The following MTUS2 variants were observed in gnomAD, a reference collection of about 807,000 sequenced individuals.
The protein encoded by MTUS2 is microtubule-associated tumor suppressor candidate 2.
Under a neutral mutation model 114.1 loss-of-function variants are expected in MTUS2, and 40 were observed. The ratio of observed to expected loss-of-function variants is 0.35; its 90% CI spans 0.27 to 0.46. The LOEUF is 0.46. MTUS2 is among the 20% of genes least tolerant of loss of function. The probability of loss-of-function intolerance (pLI) is 1.00; values close to 1 mark genes in which losing one functional copy is unlikely to be tolerated. For synonymous variants in MTUS2, 688 were observed against 672.0 expected, an observed-to-expected ratio of 1.02 and a Z score of -0.37; for missense variants, 1,679 against 1,705.4, an observed-to-expected ratio of 0.98 and a Z score of 0.27.
chr13:29,401,229 A>G (rs1380656458), intron 8 of MTUS2, among the ~76,000 whole-genome samples: 1 of 152,162 alleles, frequency 6.6e-6, no homozygotes, highest in East Asian at 1.9e-4. Flanking sequence ...CAGGTGTTCC[A>G]CCAGCCTCGG....
chr13:29,147,128 A>G (rs1425075718), intron 5 of MTUS2, among the ~76,000 whole-genome samples: 1 of 152,174 alleles, frequency 6.6e-6, no homozygotes, highest in African/African-American at 2.4e-5. Flanking sequence ...AGTTCATTCT[A>G]AGCCACATTT....
At position 29,392,156 on chromosome 13, in the gene MTUS2, A is replaced by C. The variant is rs1471733400; in HGVS notation, c.3117+32683A>C. Among the ~76,000 whole-genome samples the C allele has an allele frequency of 1.7e-4, 26 of 151,548 alleles. No individual in the cohort carries two copies. In the East Asian group the frequency reaches 1.9e-3, roughly 11 times the overall value. ...AAAAAAAAAACAAACCAAAAAAAAA[A>C]AAACCAAAAAAACACTTGTTATCTT... is the stretch of plus-strand genomic sequence containing the variant. On this transcript the variant is annotated intron_variant, in intron 8 of 15. Coordinates refer to ENST00000612955, the MANE Select transcript of MTUS2 (RefSeq NM_001033602.4).
At chr13:29,289,169 C>T (rs1898606935) in intron 6 of MTUS2, among the ~76,000 whole-genome samples, 1 of 152,184 alleles carries the variant, frequency 6.6e-6, no homozygotes, top group Admixed American at 6.5e-5. Flanking sequence ...GTGATATAAA[C>T]TGTTTTAGCT....
intron 3 of MTUS2, among the ~76,000 whole-genome samples, chr13:29,028,351 A>G (rs1886658946): frequency 9.7e-6 from 1 of 102,574 alleles, no homozygotes; most frequent in Non-Finnish European, 2.0e-5. Flanking sequence ...CTCAGTCTCA[A>G]AAACAAGGGC....
intron 2 of MTUS2, among the ~76,000 whole-genome samples, chr13:28,916,713 A>G (rs1880765179): frequency 6.6e-6 from 1 of 151,792 alleles, no homozygotes; most frequent in South Asian, 2.1e-4. Context: ...TCATCTACAA[A>G]CAAAAATAAT....
At chr13:29,501,444 T>C (rs1263093927) in intron 15 of MTUS2, among the ~76,000 whole-genome samples, 2 of 152,162 alleles carry the variant, frequency 1.3e-5, no homozygotes, top group Non-Finnish European at 2.9e-5. Context: ...CCTGCAGCAC[T>C]GGGAGGGGAA....
intron 8 of MTUS2, among the ~76,000 whole-genome samples, chr13:29,420,297 A>ATTT (rs1875987383): frequency 2.4e-5 from 2 of 82,764 alleles, no homozygotes; most frequent in African/African-American, 6.0e-5. Context: ...TTTTTTTTTG[A>ATTT]GACAGAGTCT....
chr13:29,426,170 T>A (rs909610021), intron 8 of MTUS2, among the ~76,000 whole-genome samples: 1 of 152,224 alleles, frequency 6.6e-6, no homozygotes, highest in Non-Finnish European at 1.5e-5. Context: ...TGCCTCCGGA[T>A]AAATGCAAGC....
At chr13:29,244,929 C>G (rs1371404713) in intron 5 of MTUS2, among the ~76,000 whole-genome samples, 1 of 117,044 alleles carries the variant, frequency 8.5e-6, no homozygotes, top group Non-Finnish European at 1.7e-5. Context: ...GCACTCCAGC[C>G]TGGGCGACAG....
rs1011104879 is a variant in MTUS2, at chr13:29,503,698, T to C, written c.*492T>C. 4.3e-6 allele frequency: 1 copy of C among 233,706 alleles called. No homozygotes were observed. Among genetic ancestry groups the C allele is most frequent in the Non-Finnish European group, 8.4e-6 (1 of 118,350 alleles). The allele number at this position is 233,706 out of a possible 1,614,324, so 14.5% of individuals were successfully genotyped here. ...AATTATTGGGAAATGAAAATGCATTTCTATCTAGCTTCCCAGGAATATTTC... is the reference window on the plus strand; with the variant it reads ...AATTATTGGGAAATGAAAATGCATTCCTATCTAGCTTCCCAGGAATATTTC... On this transcript the variant is annotated 3_prime_UTR_variant, in exon 16 of 16. Coordinates refer to ENST00000612955, the MANE Select transcript of MTUS2 (RefSeq NM_001033602.4).
intron 5 of MTUS2, among the ~76,000 whole-genome samples, chr13:29,232,474 G>T (rs893721514): frequency 3.3e-5 from 5 of 152,108 alleles, no homozygotes; most frequent in African/African-American, 1.2e-4. Flanking sequence ...CCATTGGGGG[G>T]GAAGAGTAAG....
At chr13:29,461,244 C>T (rs1342500106) in intron 9 of MTUS2, among the ~76,000 whole-genome samples, 1 of 152,126 alleles carries the variant, frequency 6.6e-6, no homozygotes, top group African/African-American at 2.4e-5. Flanking sequence ...AACTCACTCC[C>T]ATGATAACCC....
chr13:28,853,453 A>G (rs772976774), intron 2 of MTUS2, among the ~76,000 whole-genome samples: 1 of 152,118 alleles, frequency 6.6e-6, no homozygotes, highest in Non-Finnish European at 1.5e-5. Flanking sequence ...AGGTTTTATT[A>G]TATTTTGCTA....
At chr13:28,882,103 A>G (rs1335190614) in intron 2 of MTUS2, among the ~76,000 whole-genome samples, 1 of 151,992 alleles carries the variant, frequency 6.6e-6, no homozygotes, top group East Asian at 1.9e-4. Flanking sequence ...TCTGTCTCCC[A>G]GGCTGGAGTG....
Position 29,339,741 on chromosome 13 carries a change from T to C in MTUS2, c.2905+15030T>C, listed in dbSNP as rs377531233. 8.7e-5 allele frequency: 15 copies of C among 173,268 alleles called. No homozygotes were observed. The Middle Eastern group carries it at 4.3e-3, about 50-fold the overall frequency. 10.7% of individuals were successfully genotyped at this position (173,268 alleles called of 1,614,324 possible). ...CTCTGGATACGGGCATAGTCCCAGT[T>C]GGGAGGAGCGGTGAGGAGGGGCCGG... On this transcript the variant is annotated intron_variant, in intron 7 of 15. Coordinates refer to ENST00000612955, the MANE Select transcript of MTUS2 (RefSeq NM_001033602.4).
intron 2 of MTUS2, among the ~76,000 whole-genome samples, chr13:28,929,500 G>C (rs1016117722): frequency 5.3e-5 from 8 of 152,100 alleles, no homozygotes; most frequent in African/African-American, 1.9e-4. Context: ...GAGAAGGCCT[G>C]AAACTTGATA....
intron 4 of MTUS2, among the ~76,000 whole-genome samples, chr13:29,071,408 AATTTTTTTTTT>A (rs1565992497): frequency 4.9e-5 from 4 of 81,958 alleles, no homozygotes; most frequent in Middle Eastern, 0.017. Flanking sequence ...ATGTTGCTTG[AATTTTTTTTTT>A]TTTTTTTTTT....
chr13:29,412,375 T>A (rs988559514), intron 8 of MTUS2, among the ~76,000 whole-genome samples: 9 of 152,198 alleles, frequency 5.9e-5, no homozygotes, highest in Non-Finnish European at 8.8e-5. Flanking sequence ...CTATCAGTAT[T>A]GGTTTTCTAA....
chr13:28,896,389 A>G (rs1379794068), intron 2 of MTUS2, among the ~76,000 whole-genome samples: 2 of 152,196 alleles, frequency 1.3e-5, no homozygotes, highest in Non-Finnish European at 2.9e-5. Context: ...CCACTGCTCA[A>G]TGAAATAAAA....
Sources: allele counts gnomAD v4.1 joint callset (sites outside exome capture counted in the v4.1 genomes callset), GRCh38; gene constraint gnomAD v4.1.1; transcripts MANE v1.5; gene names NCBI Gene and HGNC (gene_info 2026-07-23, HGNC 2026-07-21).